The following ZBTB5 variants were observed in gnomAD, a reference collection of about 807,000 sequenced individuals.
ZBTB5 encodes the protein zinc finger and BTB domain containing 5, also known as zinc finger and BTB domain-containing protein 5.
ZBTB5 carries 15 observed loss-of-function variants against 37.9 expected under a neutral mutation model. That is an observed-to-expected ratio of 0.40 (90% confidence interval 0.26 to 0.61). The LOEUF (loss-of-function observed/expected upper bound fraction) is 0.61. Among genes scored for constraint, ZBTB5 ranks in the 20% least tolerant of loss-of-function variants. The pLI is 0.47. For synonymous variants in ZBTB5, 315 were observed against 312.4 expected (o/e 1.01, Z -0.09); for missense variants, 708 against 856.8 (o/e 0.83, Z 2.17).
chr9:37,443,606 C>G (rs929165084), intron 1 of ZBTB5, among the ~76,000 whole-genome samples: 1 of 152,072 alleles, frequency 6.6e-6, no homozygotes, highest in Non-Finnish European at 1.5e-5. Flanking sequence ...GGAGGCCTGG[C>G]TGAAAATCTA....
chr9:37,457,376 G>C (rs1824208424), intron 1 of ZBTB5, among the ~76,000 whole-genome samples: 1 of 152,116 alleles, frequency 6.6e-6, no homozygotes, highest in Admixed American at 6.5e-5. Context: ...TGGTACTACA[G>C]GCACGTCACC....
chr9:37,440,848 C>T lies in ZBTB5; in HGVS notation c.1704G>A (p.Thr568=), dbSNP rs1015616978. The change falls in exon 2 of 2, where the codon ACG becomes ACA. Residue 568 remains threonine, a synonymous_variant. Coordinates refer to ENST00000307750, the MANE Select transcript of ZBTB5 (RefSeq NM_014872.3). ...AAGGATGGCCATTTTCAAATGAGGA[C>T]GTAGCTCCATTCATCATTAGCTGAG... is the stretch of plus-strand genomic sequence containing the variant. ...TSSQLMMNGA[T]SSFENGHPSQ... 1.1e-5 allele frequency: 17 copies of T among 1,614,168 alleles called. No homozygotes were observed. The highest frequency in any genetic ancestry group is 4.5e-5 in the East Asian group (2 of 44,886).
At position 37,439,158 on chromosome 9, in the gene ZBTB5, T is replaced by C. The variant is rs963267200; in HGVS notation, c.*1360A>G. ...TCTAGGGAGACGCATTAACCTGTGC[T>C]GTTCCCCTGGACGCACACTTGGCCT... On this transcript the variant is annotated 3_prime_UTR_variant, in exon 2 of 2. Transcript: ENST00000307750. 1.3e-5 allele frequency: 2 copies of C among 152,252 alleles called. No homozygotes were observed. Among genetic ancestry groups the C allele is most frequent in the African/African-American group, 4.8e-5 (2 of 41,464 alleles). 9.4% of individuals were successfully genotyped at this position (152,252 alleles called of 1,614,324 possible).
intron 1 of ZBTB5, among the ~76,000 whole-genome samples, chr9:37,458,312 A>G (rs758910284): frequency 1.3e-5 from 2 of 152,220 alleles, no homozygotes; most frequent in African/African-American, 2.4e-5. Flanking sequence ...CCTGTTTTCA[A>G]TATGTGTGAT....
intron 1 of ZBTB5, among the ~76,000 whole-genome samples, chr9:37,462,492 T>A (rs933397298): frequency 1.3e-4 from 20 of 151,990 alleles, no homozygotes; most frequent in African/African-American, 4.6e-4. Context: ...ATTTTACATA[T>A]ATCTACCCCT....
chr9:37,442,000 G>T lies in ZBTB5; in HGVS notation c.552C>A (p.Pro184=). 6.2e-7 allele frequency: 1 copy of T among 1,613,882 alleles called. No homozygotes were observed. The highest frequency in any genetic ancestry group is 8.5e-7 in the Non-Finnish European group (1 of 1,180,042). The stretch of plus-strand genomic sequence containing the variant: ...GCTTATGAAGGCGTCTCATGGGGAA[G>T]GGCGTGCGCTGATCCAGGTTACTGC... The part of the protein sequence containing the change: ...SMRSNLDQRT[P]FPMRRLHKRK... The change falls in exon 2 of 2, where the codon CCC becomes CCA. Residue 184 remains proline (P), a synonymous_variant. Transcript: ENST00000307750.
intron 1 of ZBTB5, among the ~76,000 whole-genome samples, chr9:37,463,930 G>A (rs904363152): frequency 1.2e-4 from 18 of 152,292 alleles, no homozygotes; most frequent in African/African-American, 4.3e-4. Context: ...TTACCTGTAA[G>A]GTCACCAAGC....
chr9:37,458,140 G>C (rs555413278), intron 1 of ZBTB5, among the ~76,000 whole-genome samples: 5 of 152,232 alleles, frequency 3.3e-5, no homozygotes, highest in African/African-American at 9.6e-5. Flanking sequence ...GGCTGGATAC[G>C]TAAGATTGAA....
chr9:37,458,619 C>G (rs1824233924), intron 1 of ZBTB5, among the ~76,000 whole-genome samples: 1 of 152,186 alleles, frequency 6.6e-6, no homozygotes, highest in Non-Finnish European at 1.5e-5. Context: ...TTTTGGAAAA[C>G]TTGTATCTGT....
chr9:37,456,214 G>A (rs1176364899), intron 1 of ZBTB5, among the ~76,000 whole-genome samples: 1 of 152,160 alleles, frequency 6.6e-6, no homozygotes, highest in Non-Finnish European at 1.5e-5. Context: ...GCCTCCCAAA[G>A]TGCTGGGATT....
rs922859647 is a variant in ZBTB5 at position 37,439,858 on chromosome 9, T to C, written c.*660A>G. The C allele has an allele frequency of 3.9e-5, 6 of 152,852 alleles. No individual in the cohort carries two copies. The highest frequency in any genetic ancestry group is 1.4e-4 in the African/African-American group (6 of 41,582). The allele number at this position is 152,852 out of a possible 1,614,324, so 9.5% of individuals were successfully genotyped here. On this transcript the variant is annotated 3_prime_UTR_variant, in exon 2 of 2. Transcript: ENST00000307750. ...ATTTGGTTTTTAAACCAGAAAAAAC[T>C]GTTAAAACATCTATCCAACAGTGAT...
rs201436472 is a variant in ZBTB5, at chr9:37,442,166, G to A, written c.386C>T (p.Pro129Leu). ...GCTCTGCTCCTGAACGCGCTCACTG[G>A]GGGGAGACATGGGCAGCGTCCTTGT... ...LTTRTLPMSP[P>L]SERVQEQSAR... Residue 129 changes from proline (P) to leucine (L), a missense_variant, in exon 2 of 2, where the codon CCC becomes CTC. Pro to Leu is a moderately conservative substitution (Grantham distance 98). Coordinates refer to ENST00000307750, the MANE Select transcript of ZBTB5 (RefSeq NM_014872.3). The A allele has an allele frequency of 7.4e-6, 12 of 1,614,190 alleles. No individual in the cohort carries two copies. In the Admixed American group the frequency reaches 8.3e-5, roughly 11 times the overall value.
chr9:37,460,894 G>GA (rs58774719), intron 1 of ZBTB5, among the ~76,000 whole-genome samples: 17 of 149,148 alleles, frequency 1.1e-4, no homozygotes, highest in Admixed American at 1.3e-4. Flanking sequence ...AAAGTAGAAA[G>GA]AAAAAAAAAA....
chr9:37,445,643 CAAAAAAAAAAAA>C (rs762452347), intron 1 of ZBTB5, among the ~76,000 whole-genome samples: 1 of 103,934 alleles, frequency 9.6e-6, no homozygotes. Context: ...GAGACCCTGT[CAAAAAAAAAAAA>C]AGAAAAAAGA....
At chr9:37,446,715 C>T (rs1823998803) in intron 1 of ZBTB5, among the ~76,000 whole-genome samples, 6 of 152,228 alleles carry the variant, frequency 3.9e-5, no homozygotes, top group South Asian at 2.1e-4. Flanking sequence ...CCCCACCCGA[C>T]TCACTCAGGG....
intron 1 of ZBTB5, among the ~76,000 whole-genome samples, chr9:37,451,060 G>C (rs1346207860): frequency 2.0e-5 from 3 of 151,948 alleles, no homozygotes; most frequent in Admixed American, 6.6e-5. Context: ...CACACCTATA[G>C]TACCAGCTAC....
chr9:37,452,030 C>A (rs533053619), intron 1 of ZBTB5, among the ~76,000 whole-genome samples: 1 of 152,298 alleles, frequency 6.6e-6, no homozygotes, highest in East Asian at 1.9e-4. Flanking sequence ...AGAATCCCAA[C>A]CCCTCTCATT....
Position 37,441,270 on chromosome 9 carries a change from CATT to C in ZBTB5, c.1279_1281del (p.Asn427del), listed in dbSNP as rs557503746. ...CTAGTGGTGTTTGGAATATTATCAT[CATT>C]GTTCTGATTTGCAGTAAAGTTATTT... On this transcript the variant is annotated inframe_deletion, in exon 2 of 2. Transcript: ENST00000307750. The C allele has an allele frequency of 3.3e-4, 529 of 1,614,180 alleles. 4 individuals are homozygous for C. The African/African-American group carries it at 6.3e-3, about 19-fold the overall frequency.
chr9:37,452,454 A>G (rs1324478321), intron 1 of ZBTB5, among the ~76,000 whole-genome samples: 3 of 152,234 alleles, frequency 2.0e-5, no homozygotes, highest in Admixed American at 2.0e-4. Context: ...AGTGTATATC[A>G]CTACTAATAT....
Sources: allele counts gnomAD v4.1 joint callset (sites outside exome capture counted in the v4.1 genomes callset), GRCh38; gene constraint gnomAD v4.1.1; transcripts MANE v1.5; gene names NCBI Gene and HGNC (gene_info 2026-07-23, HGNC 2026-07-21).